Variants in KCNIP4 observed in about 807,000 individuals in gnomAD.
KCNIP4 encodes the protein Kv channel-interacting protein 4.
In KCNIP4, 12 loss-of-function variants were observed where a neutral mutation model predicts 34.0. The observed-to-expected ratio is 0.35, with a 90% CI of 0.23 to 0.57. KCNIP4 has a LOEUF of 0.57. KCNIP4 is among the 20% of genes least tolerant of loss of function. The probability of loss-of-function intolerance (pLI) is 0.83; values close to 1 mark genes in which losing one functional copy is unlikely to be tolerated. For missense variants in KCNIP4, 238 were observed against 311.7 expected (o/e 0.76, Z 1.78); for synonymous variants, 124 against 102.2 (o/e 1.21, Z -1.29).
intron 1 of KCNIP4, among the ~76,000 whole-genome samples, chr4:21,539,979 AAAACAAAC>A (rs140130884): frequency 6.7e-5 from 10 of 148,946 alleles, no homozygotes; most frequent in South Asian, 2.2e-4. Context: ...CTCCTTCTCA[AAAACAAAC>A]AAACAAACAG....
chr4:21,550,515 G>T (rs931445980), intron 1 of KCNIP4, among the ~76,000 whole-genome samples: 1 of 151,934 alleles, frequency 6.6e-6, no homozygotes, highest in Admixed American at 6.6e-5. Context: ...CTTGCAATGG[G>T]TCATTTCAGC....
At position 21,732,497 on chromosome 4, in the gene KCNIP4, C is replaced by T. The variant is rs186098336; in HGVS notation, c.61+216074G>A. On this transcript the variant is annotated intron_variant, in intron 1 of 8. Transcript: ENST00000382152. ...CATTTTTATTAAATTTCCACAATAA[C>T]TAAAATAGTTAATCTTGCCCAAAGC... is the stretch of plus-strand genomic sequence containing the variant. 2.8e-3 allele frequency among the ~76,000 whole-genome samples: 419 copies of T among 152,230 alleles called. 2 individuals carry two copies. Among genetic ancestry groups the T allele is most frequent in the African/African-American group, 9.3e-3 (385 of 41,530 alleles).
At chr4:21,821,065 A>G (rs1722324968) in intron 1 of KCNIP4, among the ~76,000 whole-genome samples, 1 of 152,160 alleles carries the variant, frequency 6.6e-6, no homozygotes, top group Admixed American at 6.5e-5. Flanking sequence ...GTTTTAATTT[A>G]CATCTCCTAA....
chr4:21,046,109 A>C (rs1484235141), intron 1 of KCNIP4, among the ~76,000 whole-genome samples: 1 of 152,246 alleles, frequency 6.6e-6, no homozygotes, highest in Non-Finnish European at 1.5e-5. Context: ...AAGACAGAAA[A>C]GGATTCATTC....
intron 1 of KCNIP4, chr4:21,849,547 CAGAAAAAAATCA>C (rs2109333641): frequency 6.6e-6 from 1 of 152,044 alleles, no homozygotes; most frequent in African/African-American, 2.4e-5. Flanking sequence ...ATCGTCCCAG[CAGAAAAAAATCA>C]ATCCAAAATA....
intron 5 of KCNIP4, among the ~76,000 whole-genome samples, chr4:20,741,212 C>G (rs764866329): frequency 1.6e-4 from 25 of 152,162 alleles, no homozygotes; most frequent in Non-Finnish European, 2.8e-4. Context: ...AGCTCTGCAG[C>G]AAGCGGACCT....
chr4:20,865,550 T>C (rs1202850620), intron 2 of KCNIP4, among the ~76,000 whole-genome samples: 1 of 152,022 alleles, frequency 6.6e-6, no homozygotes, highest in African/African-American at 2.4e-5. Context: ...GATCCTACTA[T>C]TTGTCACAAC....
At chr4:21,038,358 C>CT (rs1028583134) in intron 1 of KCNIP4, among the ~76,000 whole-genome samples, 5 of 152,136 alleles carry the variant, frequency 3.3e-5, no homozygotes, top group Non-Finnish European at 5.9e-5. Flanking sequence ...TTATCTCTTG[C>CT]TTTTTTTATT....
Position 21,906,074 on chromosome 4 carries a change from C to A in KCNIP4, c.61+42497G>T, listed in dbSNP as rs77745809. ...GAAACACAGCTACATTCATTTGTTT[C>A]ATTCATCTATGAGTGTTTCAGGCTA... On this transcript the variant is annotated intron_variant, in intron 1 of 8. Transcript: ENST00000382152. Among the ~76,000 whole-genome samples, 1,324 of 152,274 alleles carry A rather than the reference C, an allele frequency of 8.7e-3. 15 individuals are homozygous for A. The highest frequency in any genetic ancestry group is 0.034 in the South Asian group (164 of 4,828).
chr4:21,265,621 T>A (rs890751142), intron 1 of KCNIP4, among the ~76,000 whole-genome samples: 1 of 152,152 alleles, frequency 6.6e-6, no homozygotes, highest in South Asian at 2.1e-4. Flanking sequence ...TTTTCAATGG[T>A]CAAATTAGCA....
intron 1 of KCNIP4, among the ~76,000 whole-genome samples, chr4:21,793,281 G>T (rs7696754): frequency 0.37 from 56,465 of 151,976 alleles, 11,921 homozygotes; most frequent in East Asian, 0.65. Flanking sequence ...ATGGAGTCTC[G>T]CTCTGTCACC....
At chr4:21,445,071 T>G (rs1191437103) in intron 1 of KCNIP4, among the ~76,000 whole-genome samples, 5 of 152,252 alleles carry the variant, frequency 3.3e-5, no homozygotes, top group African/African-American at 1.2e-4. Flanking sequence ...TTACAAGGGA[T>G]GTGAAGGACC....
At chr4:21,211,614 A>C (rs918385050) in intron 1 of KCNIP4, among the ~76,000 whole-genome samples, 10 of 152,116 alleles carry the variant, frequency 6.6e-5, no homozygotes, top group Non-Finnish European at 1.3e-4. Context: ...CCTGCTGCCA[A>C]AAAGATTGGG....
At chr4:21,725,044 A>G (rs1240461987) in intron 1 of KCNIP4, among the ~76,000 whole-genome samples, 1 of 152,114 alleles carries the variant, frequency 6.6e-6, no homozygotes, top group African/African-American at 2.4e-5. Context: ...CCATCTCTCT[A>G]TTTAATCAGT....
chr4:21,826,245 T>G (rs983308656), intron 1 of KCNIP4, among the ~76,000 whole-genome samples: 2 of 152,116 alleles, frequency 1.3e-5, no homozygotes, highest in African/African-American at 4.8e-5. Context: ...ACATGGGGAT[T>G]TTGCCTGCCT....
Position 21,124,502 on chromosome 4 carries a change from C to T in KCNIP4, c.62-241793G>A, listed in dbSNP as rs190550806. ...ACAAAATGGGCAGAATCTTTCCCAT[C>T]TGTGACCTTCCTTGCTCTGTCTGCC... On this transcript the variant is annotated intron_variant, in intron 1 of 8. Coordinates refer to ENST00000382152, the MANE Select transcript of KCNIP4 (RefSeq NM_025221.6). Among the ~76,000 whole-genome samples the T allele has an allele frequency of 1.6e-4, 24 of 152,260 alleles. 1 individual carries two copies. Among genetic ancestry groups the T allele is most frequent in the Admixed American group, 1.4e-3 (21 of 15,298 alleles).
chr4:21,259,516 T>A (rs1395683116), intron 1 of KCNIP4, among the ~76,000 whole-genome samples: 1 of 152,166 alleles, frequency 6.6e-6, no homozygotes, highest in Non-Finnish European at 1.5e-5. Context: ...ATCTTTGTTT[T>A]TCACCAGCTT....
At chr4:20,879,425 G>A (rs373396416) in intron 2 of KCNIP4, among the ~76,000 whole-genome samples, 1 of 152,136 alleles carries the variant, frequency 6.6e-6, no homozygotes, top group East Asian at 1.9e-4. Context: ...CCAAGACAAT[G>A]GCGCTTTTTG....
At chr4:21,697,797 G>C in intron 1 of KCNIP4, 2 of 349,352 alleles carry the variant, frequency 5.7e-6, no homozygotes, top group Non-Finnish European at 8.5e-6. Flanking sequence ...ACCATTCAGA[G>C]GGAGGCGGGG....
Sources: allele counts gnomAD v4.1 joint callset (sites outside exome capture counted in the v4.1 genomes callset), GRCh38; gene constraint gnomAD v4.1.1; transcripts MANE v1.5; gene names NCBI Gene and HGNC (gene_info 2026-07-23, HGNC 2026-07-21).